Variants in SHISA9 observed in about 807,000 individuals in gnomAD.
SHISA9 encodes the protein shisa family member 9.
In SHISA9, 13 loss-of-function variants were observed where a neutral mutation model predicts 38.0. That is an observed-to-expected ratio of 0.34 (90% confidence interval 0.22 to 0.54). SHISA9 has a LOEUF of 0.54. Ranked by LOEUF, SHISA9 falls within the 20% of genes least tolerant of loss-of-function variation. SHISA9 has a pLI of 0.91. For missense variants in SHISA9, 538 were observed against 575.8 expected (o/e 0.93, Z 0.67); for synonymous variants, 275 against 242.0 (o/e 1.14, Z -1.27).
chr16:13,296,782 T>C, the SHISA9 span, among the ~76,000 whole-genome samples: 1 of 149,408 alleles, frequency 6.7e-6, no homozygotes, highest in Admixed American at 6.7e-5. Context: ...TCCCAGCTAC[T>C]TGGGAGGCTG....
chr16:13,371,014 C>G, the SHISA9 span, among the ~76,000 whole-genome samples: 1 of 152,192 alleles, frequency 6.6e-6, no homozygotes, highest in Non-Finnish European at 1.5e-5. Flanking sequence ...ATTTTTTACT[C>G]TAAGTATGTT....
intron 2 of SHISA9, among the ~76,000 whole-genome samples, chr16:13,150,446 A>T (rs2050489359): frequency 6.6e-6 from 1 of 152,114 alleles, no homozygotes; most frequent in Non-Finnish European, 1.5e-5. Context: ...TTATTGTGGT[A>T]GACTTGGCCC....
chr16:13,544,899 T>C, the SHISA9 span, among the ~76,000 whole-genome samples: 8 of 152,020 alleles, frequency 5.3e-5, no homozygotes, highest in Admixed American at 3.9e-4. Flanking sequence ...CCTGAGATCA[T>C]GCCACTGCAC....
chr16:13,543,267 TAAC>T, the SHISA9 span, among the ~76,000 whole-genome samples: 3 of 152,188 alleles, frequency 2.0e-5, no homozygotes, highest in African/African-American at 7.2e-5. Context: ...ATATAAACTG[TAAC>T]AACAGAGGGG....
chr16:13,462,818 CA>C, the SHISA9 span, among the ~76,000 whole-genome samples: 1 of 152,070 alleles, frequency 6.6e-6, no homozygotes, highest in African/African-American at 2.4e-5. Flanking sequence ...AAAAATTAGC[CA>C]GGCGTGGTGG....
chr16:13,104,216 G>T (rs539347296), intron 2 of SHISA9, among the ~76,000 whole-genome samples: 12 of 152,118 alleles, frequency 7.9e-5, no homozygotes, highest in Non-Finnish European at 1.8e-4. Context: ...TTCAAGGTAG[G>T]ATATAGTAGT....
the SHISA9 span, among the ~76,000 whole-genome samples, chr16:13,420,200 C>A: frequency 7.6e-6 from 1 of 132,004 alleles, no homozygotes; most frequent in East Asian, 2.2e-4. Context: ...GAGCGGAGAT[C>A]GCACCACTGC....
the SHISA9 span, among the ~76,000 whole-genome samples, chr16:13,485,505 C>T: frequency 6.6e-6 from 1 of 152,120 alleles, no homozygotes; most frequent in East Asian, 1.9e-4. Flanking sequence ...TGATATATAA[C>T]AATTGTACAT....
At chr16:13,088,218 A>C (rs2141944359) in intron 2 of SHISA9, among the ~76,000 whole-genome samples, 1 of 152,278 alleles carries the variant, frequency 6.6e-6, no homozygotes, top group East Asian at 1.9e-4. Flanking sequence ...TGTTTTGGTT[A>C]CTGTGGCCTT....
chr16:13,271,487 A>G, the SHISA9 span, among the ~76,000 whole-genome samples: 1 of 152,170 alleles, frequency 6.6e-6, no homozygotes, highest in Non-Finnish European at 1.5e-5. Flanking sequence ...TGTGTAAGTC[A>G]GCGTGTACGG....
At chr16:13,551,744 G>C in the SHISA9 span, among the ~76,000 whole-genome samples, 1 of 152,128 alleles carries the variant, frequency 6.6e-6, no homozygotes, top group East Asian at 1.9e-4. Flanking sequence ...AGTACAATTG[G>C]TAGGCCGGGA....
rs1567184173 is a variant in SHISA9 at position 13,019,928 on chromosome 16, TTTCTTTC to T, written c.691+103116_691+103122del. On this transcript the variant is annotated intron_variant, in intron 2 of 4. Transcript: ENST00000558583. Reference sequence around the variant, plus strand: ...CTTTCTTTCTTTCTTTCTTTCTTTCTTTCTTTCTTTCTTTCTTTCTTTCTTTCTTTCC... The same window carrying T: ...CTTTCTTTCTTTCTTTCTTTCTTTCTTTTCTTTCTTTCTTTCTTTCTTTCC... Among the ~76,000 whole-genome samples, 259 of 89,292 alleles carry T rather than the reference TTTCTTTC, an allele frequency of 2.9e-3. 10 individuals carry two copies. The highest frequency in any genetic ancestry group is 5.3e-3 in the Non-Finnish European group (206 of 39,158). 58.6% of individuals were successfully genotyped at this position (89,292 alleles called of 152,430 possible).
chr16:13,218,767 A>G (rs1040970078), intron 4 of SHISA9, among the ~76,000 whole-genome samples: 8 of 152,320 alleles, frequency 5.3e-5, no homozygotes, highest in Non-Finnish European at 1.0e-4. Context: ...TTCTAAGAAA[A>G]TTGACTTAGC....
chr16:13,174,176 T>A (rs1283127886), intron 2 of SHISA9, among the ~76,000 whole-genome samples: 1 of 152,212 alleles, frequency 6.6e-6, no homozygotes, highest in Non-Finnish European at 1.5e-5. Context: ...ATATAGCATT[T>A]GTTTTTTGTT....
chr16:13,147,352 C>T (rs554131970), intron 2 of SHISA9, among the ~76,000 whole-genome samples: 7 of 151,438 alleles, frequency 4.6e-5, no homozygotes, highest in Non-Finnish European at 1.0e-4. Flanking sequence ...TGCCCAAGGT[C>T]AGGTCATAAA....
At chr16:13,133,580 A>G (rs969121327) in intron 2 of SHISA9, among the ~76,000 whole-genome samples, 1 of 152,134 alleles carries the variant, frequency 6.6e-6, no homozygotes, top group African/African-American at 2.4e-5. Flanking sequence ...GCCCCATTGT[A>G]TATGAAAAGC....
chr16:13,314,892 G>C, the SHISA9 span, among the ~76,000 whole-genome samples: 1 of 152,254 alleles, frequency 6.6e-6, no homozygotes, highest in South Asian at 2.1e-4. Flanking sequence ...ACTCTCTACA[G>C]ATCTGCTCTA....
the SHISA9 span, among the ~76,000 whole-genome samples, chr16:13,285,590 AAGCTATCCAAGGTATAGCCCC>A: frequency 1.3e-5 from 2 of 151,170 alleles, no homozygotes; most frequent in Admixed American, 1.3e-4. Context: ...TGGAAGCTGT[AAGCTATCCAAGGTATAGCCCC>A]ACTTCTCTAA....
chr16:13,424,236 T>G, the SHISA9 span, among the ~76,000 whole-genome samples: 1 of 152,142 alleles, frequency 6.6e-6, no homozygotes, highest in South Asian at 2.1e-4. Flanking sequence ...CACTAGGAAG[T>G]AATCTGTTAC....
Sources: allele counts gnomAD v4.1 joint callset (sites outside exome capture counted in the v4.1 genomes callset), GRCh38; gene constraint gnomAD v4.1.1; transcripts MANE v1.5; gene names NCBI Gene and HGNC (gene_info 2026-07-23, HGNC 2026-07-21).